Variants in PTPRS observed in about 807,000 individuals in gnomAD.
The protein encoded by PTPRS is receptor-type tyrosine-protein phosphatase S.
Under a neutral mutation model 215.3 loss-of-function variants are expected in PTPRS, and 63 were observed. The observed-to-expected ratio is 0.29, with a 90% CI of 0.24 to 0.36. The LOEUF is 0.36. Among genes scored for constraint, PTPRS ranks in the 10% least tolerant of loss-of-function variants. PTPRS has a pLI of 1.00. For synonymous variants in PTPRS, 1,404 were observed against 1,191.4 expected (o/e 1.18, Z -3.68); for missense variants, 2,258 against 2,825.8 (o/e 0.80, Z 4.56).
Position 5,229,672 on chromosome 19 carries a change from G to A in PTPRS, c.2168C>T (p.Pro723Leu). 1.6e-6 allele frequency: 2 copies of A among 1,269,724 alleles called. No homozygotes were observed. Among genetic ancestry groups the A allele is most frequent in the Non-Finnish European group, 2.0e-6 (2 of 1,012,312 alleles). 78.7% of individuals were successfully genotyped at this position (1,269,724 alleles called of 1,614,324 possible). The change falls in exon 15 of 38, where the codon CCG (proline) becomes CTG (leucine). Residue 723 changes from proline (P) to leucine (L), a missense_variant. Physicochemically the swap from Pro to Leu is moderately conservative, Grantham distance 98 (BLOSUM62 -3). Around this residue, in one of 6 missense-constraint regions of PTPRS, gnomAD observed 371 missense variants for 446.7 expected, o/e 0.83. Transcript: ENST00000262963. The part of the protein sequence containing the change: ...VRTDEDVPSA[P>L]PRKVEAEALN... ...CGCCTCCGCCTCCACCTTCCGCGGCGGCGCGCTGGGCACTGGCGGGCGGGA... is the reference window on the plus strand; with the variant it reads ...CGCCTCCGCCTCCACCTTCCGCGGCAGCGCGCTGGGCACTGGCGGGCGGGA...
At chr19:5,282,177 C>T (rs924907030) in intron 2 of PTPRS, among the ~76,000 whole-genome samples, 1 of 152,104 alleles carries the variant, frequency 6.6e-6, no homozygotes, top group Non-Finnish European at 1.5e-5. Flanking sequence ...ACATCACTGC[C>T]TGCTCTCGGA....
intron 2 of PTPRS, among the ~76,000 whole-genome samples, chr19:5,282,838 G>A (rs1178199524): frequency 6.6e-6 from 1 of 151,254 alleles, no homozygotes; most frequent in African/African-American, 2.4e-5. Context: ...TTGGTCACAC[G>A]GCGTGTGATG....
In PTPRS at chr19:5,339,075, G is replaced by C. The variant is rs562428650; in HGVS notation, c.-95+1589C>G. Among the ~76,000 whole-genome samples the C allele has an allele frequency of 5.9e-5, 9 of 152,290 alleles. No homozygotes were observed. The East Asian group carries it at 1.7e-3, about 29-fold the overall frequency. On this transcript the variant is annotated intron_variant, in intron 1 of 37. Coordinates refer to ENST00000262963, the MANE Select transcript of PTPRS (RefSeq NM_002850.4). This position sits in a 1 kb window ranked among gnomAD's most constrained non-coding sequence, Gnocchi z 4.2. ...AGGTATCATCCCTGCTGCTCAGCCG[G>C]GACTCCGACACCTCGGACACCCGCT...
intron 1 of PTPRS, among the ~76,000 whole-genome samples, chr19:5,308,316 G>A (rs1167832213): frequency 6.6e-6 from 1 of 152,052 alleles, no homozygotes; most frequent in Non-Finnish European, 1.5e-5. Flanking sequence ...GCATCTCCTG[G>A]GCAGGAGATG....
intron 4 of PTPRS, among the ~76,000 whole-genome samples, chr19:5,265,475 G>A (rs577777310): frequency 6.6e-5 from 10 of 152,216 alleles, no homozygotes; most frequent in Middle Eastern, 3.4e-3. Flanking sequence ...CTGAGTAGCC[G>A]GGACTACAAG....
intron 1 of PTPRS, among the ~76,000 whole-genome samples, chr19:5,290,541 C>T (rs555753813): frequency 6.6e-6 from 1 of 152,222 alleles, no homozygotes; most frequent in South Asian, 2.1e-4. Flanking sequence ...GTGATTATGA[C>T]CCAGGCCGGG....
At chr19:5,264,883 C>A in intron 5 of PTPRS, 125 bp downstream of exon 5, 1 of 1,156,008 alleles carries the variant, frequency 8.7e-7, no homozygotes. Context: ...AGAGCCAACG[C>A]CTGCCACGGC....
At position 5,206,597 on chromosome 19, in the gene PTPRS, C is replaced by T. The variant is rs551368288; in HGVS notation, c.*177G>A. 1.9e-4 allele frequency: 106 copies of T among 558,186 alleles called. 2 individuals carry two copies. Among genetic ancestry groups the T allele is most frequent in the East Asian group, 7.5e-4 (23 of 30,760 alleles). The allele number at this position is 558,186 out of a possible 1,614,324, so 34.6% of individuals were successfully genotyped here. A position where few individuals can be genotyped will look rare whatever the true frequency, so the allele number is the denominator to read the frequency against. ...GTGCCAGGGAGGTCGCTGGGGCGGCCGGGGCCGGTGGGGGGGCTCGAGGGG... is the reference window on the plus strand; with the variant it reads ...GTGCCAGGGAGGTCGCTGGGGCGGCTGGGGCCGGTGGGGGGGCTCGAGGGG... On this transcript the variant is annotated 3_prime_UTR_variant, in exon 38 of 38. Coordinates refer to ENST00000262963, the MANE Select transcript of PTPRS (RefSeq NM_002850.4).
At position 5,231,438 on chromosome 19, in the gene PTPRS, G is replaced by A. The variant is rs376058028; in HGVS notation, c.2027C>T (p.Pro676Leu). ...PEPKEVNGIP[P>L]TTTQILLEAL... is the part of the protein sequence containing the mutation. ...CTCCAGCAGGATCTGAGTGGTGGTC[G>A]GGGGGATGCCGTTCACCTCCTTGGG... Residue 676 changes from proline (P) to leucine (L), a missense_variant, in exon 14 of 38, where the codon CCG becomes CTG. Pro to Leu is a moderately conservative substitution (Grantham distance 98, BLOSUM62 -3). Coordinates refer to ENST00000262963, the MANE Select transcript of PTPRS (RefSeq NM_002850.4). The A allele has an allele frequency of 5.6e-6, 9 of 1,612,962 alleles. No individual in the cohort carries two copies. The Admixed American group carries it at 6.7e-5, about 12-fold the overall frequency.
chr19:5,210,339 C>T lies in PTPRS; in HGVS notation c.5487+130G>A, dbSNP rs1475029923. On this transcript the variant is annotated intron_variant, in intron 35 of 37. Transcript: ENST00000262963. This position sits in a 1 kb window ranked among gnomAD's most constrained non-coding sequence, Gnocchi z 4.5. ...CAGTAGAAGCAAGTGGCCAACTGGTCAGCTGACACTTCTCCTGATTCCCAA... is the reference window on the plus strand; with the variant it reads ...CAGTAGAAGCAAGTGGCCAACTGGTTAGCTGACACTTCTCCTGATTCCCAA... 3.6e-6 allele frequency: 5 copies of T among 1,373,812 alleles called. No homozygotes were observed. The highest frequency in any genetic ancestry group is 1.4e-5 in the African/African-American group (1 of 69,752). The allele number at this position is 1,373,812 out of a possible 1,614,324, so 85.1% of individuals were successfully genotyped here. A position where few individuals can be genotyped will look rare whatever the true frequency, so the allele number is the denominator to read the frequency against.
At chr19:5,318,652 T>C (rs906648728) in intron 1 of PTPRS, among the ~76,000 whole-genome samples, 13 of 152,032 alleles carry the variant, frequency 8.6e-5, no homozygotes, top group Non-Finnish European at 1.2e-4. Context: ...GTGGTTGTTA[T>C]TATTTGTTTT....
Position 5,238,193 on chromosome 19 carries a change from C to T in PTPRS, c.1849+726G>A, listed in dbSNP as rs554089516. Among the ~76,000 whole-genome samples, 16 of 152,222 alleles carry T rather than the reference C, an allele frequency of 1.1e-4. No homozygotes were observed. The South Asian group carries it at 2.5e-3, about 24-fold the overall frequency. On this transcript the variant is annotated intron_variant, in intron 13 of 37. Transcript: ENST00000262963. ...GGGGAGACGGCAGAAGGGGCCTGTC[C>T]AGCTCCGAGTTTAGAGAAGTCAGGG... is the stretch of plus-strand genomic sequence containing the variant.
intron 1 of PTPRS, among the ~76,000 whole-genome samples, chr19:5,289,113 C>T (rs907120226): frequency 1.8e-4 from 27 of 152,234 alleles, no homozygotes; most frequent in African/African-American, 6.5e-4. Context: ...ATCCCGGGGT[C>T]CCTTAGGTGC....
chr19:5,264,752 T>C (rs1325687931), intron 5 of PTPRS, among the ~76,000 whole-genome samples: 2 of 152,140 alleles, frequency 1.3e-5, no homozygotes, highest in African/African-American at 4.8e-5. Context: ...TATATCTTCA[T>C]TGGCCAGGTG....
intron 25 of PTPRS, 49 bp from the exon 26 acceptor site, chr19:5,216,816 G>C: frequency 7.6e-7 from 1 of 1,319,896 alleles, no homozygotes; most frequent in Non-Finnish European, 1.1e-6. Flanking sequence ...GGGGTAGGGG[G>C]GGGTCCCACC....
At chr19:5,320,986 C>T (rs866956946) in intron 1 of PTPRS, among the ~76,000 whole-genome samples, 3 of 152,016 alleles carry the variant, frequency 2.0e-5, no homozygotes, top group Admixed American at 6.6e-5. Context: ...AACAAGGGCC[C>T]GGTGCTGGCT....
intron 1 of PTPRS, among the ~76,000 whole-genome samples, chr19:5,301,685 T>A (rs930756193): frequency 2.6e-5 from 4 of 151,760 alleles, no homozygotes; most frequent in African/African-American, 7.3e-5. Context: ...TTCAAGCGCA[T>A]CCTCCCCCTC....
intron 9 of PTPRS, among the ~76,000 whole-genome samples, chr19:5,255,198 G>A (rs1009959725): frequency 5.3e-5 from 8 of 152,320 alleles, no homozygotes; most frequent in African/African-American, 1.9e-4. Flanking sequence ...TGGGGAAAGA[G>A]GAGCTGGCCA....
chr19:5,218,301 G>A (rs2041668076), intron 25 of PTPRS, 119 bp downstream of exon 25: 3 of 805,246 alleles, frequency 3.7e-6, no homozygotes, highest in South Asian at 3.3e-5. Flanking sequence ...TCCAGAATGT[G>A]GCTGCACCAA....
Sources: gnomAD v4.1 joint callset for allele counts (sites outside exome capture counted in the v4.1 genomes callset) on GRCh38, gnomAD v4.1.1 for gene constraint, gnomAD v4.1.1 regional missense constraint, Gnocchi (gnomAD v3.1) non-coding constraint, MANE v1.5 for transcripts, NCBI Gene and HGNC (gene_info 2026-07-23, HGNC 2026-07-21) for gene names.